Variants in GPR161 observed in about 807,000 individuals in gnomAD.
The protein encoded by GPR161 is G-protein coupled receptor RE2.
A neutral mutation model predicts 39.2 loss-of-function variants in GPR161; 25 were observed. The observed-to-expected ratio is 0.64, with a 90% CI of 0.47 to 0.89. The LOEUF (loss-of-function observed/expected upper bound fraction) is 0.89. Ranked by LOEUF, GPR161 falls within the 40% of genes least tolerant of loss-of-function variation. GPR161 has a pLI of 0.00. For missense variants in GPR161, 547 were observed against 677.8 expected (o/e 0.81, Z 2.14); for synonymous variants, 286 against 276.6 (o/e 1.03, Z -0.34).
rs1489755196 is a variant in GPR161, at chr1:168,085,067, A to G, written c.*464T>C. The G allele has an allele frequency of 6.6e-6, 3 of 456,646 alleles. No individual in the cohort carries two copies. The East Asian group carries it at 2.1e-4, about 32-fold the overall frequency. The allele number at this position is 456,646 out of a possible 1,614,324, so 28.3% of individuals were successfully genotyped here. A position where few individuals can be genotyped will look rare whatever the true frequency, so the allele number is the denominator to read the frequency against. Reference sequence around the variant, plus strand: ...AGGACGGTCGCGTGTCATTAGGAAGAAGTGCTGTGTCATCCTTCACAGTAC... The same window carrying G: ...AGGACGGTCGCGTGTCATTAGGAAGGAGTGCTGTGTCATCCTTCACAGTAC... On this transcript the variant is annotated 3_prime_UTR_variant, in exon 6 of 6. Transcript: ENST00000682931.
intron 1 of GPR161, among the ~76,000 whole-genome samples, chr1:168,133,427 A>G (rs187609022): frequency 6.6e-5 from 10 of 152,374 alleles, no homozygotes; most frequent in African/African-American, 2.2e-4. Flanking sequence ...CAGAAAATCT[A>G]AATTAAATTG....
At chr1:168,125,414 T>C (rs1219042343) in intron 1 of GPR161, among the ~76,000 whole-genome samples, 2 of 152,196 alleles carry the variant, frequency 1.3e-5, no homozygotes, top group African/African-American at 4.8e-5. Flanking sequence ...ACAAGAATGT[T>C]GAGTCCTGTT....
Position 168,084,631 on chromosome 1 carries a change from C to T in GPR161, c.*900G>A, listed in dbSNP as rs1572225156. The T allele has an allele frequency of 2.8e-6, 1 of 362,278 alleles. No homozygotes were observed. Among genetic ancestry groups the T allele is most frequent in the East Asian group, 7.3e-5 (1 of 13,734 alleles). 22.4% of individuals were successfully genotyped at this position (362,278 alleles called of 1,614,324 possible). On this transcript the variant is annotated 3_prime_UTR_variant, in exon 6 of 6. Coordinates refer to ENST00000682931, the MANE Select transcript of GPR161 (RefSeq NM_001375883.1). ...CTATTTTCATTGGTCACTCAAACAT[C>T]ACACATAGAATCTATTTAATGAGGC...
In GPR161 at chr1:168,084,399, A is replaced by G; in HGVS notation, c.*1132T>C. On this transcript the variant is annotated 3_prime_UTR_variant, in exon 6 of 6. Transcript: ENST00000682931. ...CTGGAAATGATCTTGGAGACCATTC[A>G]ATCCAACTCCACTCTGTTTTCCCAC... The G allele has an allele frequency of 4.4e-6, 1 of 225,514 alleles. No individual in the cohort carries two copies. Among genetic ancestry groups the G allele is most frequent in the African/African-American group, 2.4e-5 (1 of 42,376 alleles). 14.0% of individuals were successfully genotyped at this position (225,514 alleles called of 1,614,324 possible). A position where few individuals can be genotyped will look rare whatever the true frequency, so the allele number is the denominator to read the frequency against.
chr1:168,087,845 C>T lies in GPR161; in HGVS notation c.1205-141G>A, dbSNP rs56272246. 3,782 of 800,378 alleles carry T rather than the reference C, an allele frequency of 4.7e-3. 99 individuals carry two copies. The African/African-American group carries it at 0.06, about 13-fold the overall frequency. 49.6% of individuals were successfully genotyped at this position (800,378 alleles called of 1,614,324 possible). ...AAGTGGAGCTGACTGCGCCGCAGCACGTGCCCAAGAAACACCCGCCTGTCA... is the reference window on the plus strand; with the variant it reads ...AAGTGGAGCTGACTGCGCCGCAGCATGTGCCCAAGAAACACCCGCCTGTCA... On this transcript the variant is annotated intron_variant, in intron 4 of 5. Coordinates refer to ENST00000682931, the MANE Select transcript of GPR161 (RefSeq NM_001375883.1).
chr1:168,122,694 AC>A (rs1698277471), intron 1 of GPR161, among the ~76,000 whole-genome samples: 1 of 152,170 alleles, frequency 6.6e-6, no homozygotes, highest in Non-Finnish European at 1.5e-5. Context: ...GGGGCTTTGC[AC>A]TTGCTGTTTC....
At position 168,096,641 on chromosome 1, in the gene GPR161, CA is replaced by C. The variant is rs1346869675; in HGVS notation, c.965del (p.Leu322ArgfsTer84). Reference sequence around the variant, plus strand: ...CTGTCTTGTTCCAGAGTCCATAGATCAGGGGGTGGCAGACAGCGCTGGCAAA... The same window carrying C: ...CTGTCTTGTTCCAGAGTCCATAGATCGGGGGTGGCAGACAGCGCTGGCAAA... The part of the protein sequence containing the change: ...LSFASAVCHP[L>X]IYGLWNKTVR... On this transcript the variant is annotated frameshift_variant, in exon 3 of 6. Coordinates refer to ENST00000682931, the MANE Select transcript of GPR161 (RefSeq NM_001375883.1). LOFTEE classifies it high-confidence loss of function. 7.4e-6 allele frequency: 12 copies of C among 1,614,104 alleles called. No homozygotes were observed. The highest frequency in any genetic ancestry group is 3.3e-5 in the Admixed American group (2 of 60,012).
chr1:168,120,494 T>C (rs542755884), intron 1 of GPR161, among the ~76,000 whole-genome samples: 2 of 152,262 alleles, frequency 1.3e-5, no homozygotes, highest in African/African-American at 4.8e-5. Context: ...TTTTGGTTAA[T>C]GCTGGAATAA....
chr1:168,132,587 C>CAA (rs1160404142), intron 1 of GPR161, among the ~76,000 whole-genome samples: 6 of 78,636 alleles, frequency 7.6e-5, no homozygotes, highest in Admixed American at 2.9e-4. Context: ...GACTCCGTCT[C>CAA]AAAAAAAAAA....
At chr1:168,128,876 T>C (rs900974354) in intron 1 of GPR161, among the ~76,000 whole-genome samples, 2 of 152,146 alleles carry the variant, frequency 1.3e-5, no homozygotes, top group African/African-American at 4.8e-5. Context: ...ATGATAGCCA[T>C]ACTGCCACTG....
chr1:168,106,191 T>C lies in GPR161; in HGVS notation c.-44-1297A>G, dbSNP rs79963216. ...TCTCTTGATTTGCGGTCCCCAAAAT[T>C]GAACACACCATTCTGGATGTATTTT... On this transcript the variant is annotated intron_variant, in intron 1 of 5. Transcript: ENST00000682931. Among the ~76,000 whole-genome samples, 969 of 152,330 alleles carry C rather than the reference T, an allele frequency of 6.4e-3. 10 individuals are homozygous for C. Among genetic ancestry groups the C allele is most frequent in the African/African-American group, 0.022 (901 of 41,574 alleles).
chr1:168,090,714 G>T, intron 3 of GPR161, 46 bp from the exon 4 acceptor site: 1 of 1,155,292 alleles, frequency 8.7e-7, no homozygotes, highest in Non-Finnish European at 1.3e-6. Context: ...ACTCTGCAAG[G>T]AGGGGCCCCA....
Position 168,080,310 on chromosome 1 carries a change from T to C in GPR161, c.*5221A>G, listed in dbSNP as rs1693974809. The C allele has an allele frequency of 6.6e-6, 1 of 152,242 alleles. No individual in the cohort carries two copies. Among genetic ancestry groups the C allele is most frequent in the African/African-American group, 2.4e-5 (1 of 41,458 alleles). The allele number at this position is 152,242 out of a possible 1,614,324, so 9.4% of individuals were successfully genotyped here. A position where few individuals can be genotyped will look rare whatever the true frequency, so the allele number is the denominator to read the frequency against. ...ACTATACCTCATCTTCCTTGACCTA[T>C]AAGACTAGCTCCTTGCTTTTCTCAT... On this transcript the variant is annotated 3_prime_UTR_variant, in exon 6 of 6. Transcript: ENST00000682931.
At chr1:168,132,132 G>A (rs1166914373) in intron 1 of GPR161, among the ~76,000 whole-genome samples, 2 of 152,118 alleles carry the variant, frequency 1.3e-5, no homozygotes, top group African/African-American at 4.8e-5. Flanking sequence ...AGGTGTGGTG[G>A]CGCACGCCTG....
intron 1 of GPR161, among the ~76,000 whole-genome samples, chr1:168,118,368 A>ACAC (rs1697808100): frequency 6.6e-6 from 1 of 152,238 alleles, no homozygotes; most frequent in South Asian, 2.1e-4. Context: ...AGAATGACAA[A>ACAC]CACCACATAA....
Position 168,136,834 on chromosome 1 carries a change from G to A in GPR161, c.-140C>T. On this transcript the variant is annotated 5_prime_UTR_variant, in exon 1 of 6. Transcript: ENST00000682931. ...GCTTCCTTCCTCCCCGCCGCGCTCCGGGACTGGAGGTTTCGGGTTTCAGCC... is the reference window on the plus strand; with the variant it reads ...GCTTCCTTCCTCCCCGCCGCGCTCCAGGACTGGAGGTTTCGGGTTTCAGCC... 1.0e-6 allele frequency: 1 copy of A among 982,706 alleles called. No homozygotes were observed. Among genetic ancestry groups the A allele is most frequent in the South Asian group, 4.5e-5 (1 of 22,074 alleles). 60.9% of individuals were successfully genotyped at this position (982,706 alleles called of 1,614,324 possible). A position where few individuals can be genotyped will look rare whatever the true frequency, so the allele number is the denominator to read the frequency against.
intron 1 of GPR161, among the ~76,000 whole-genome samples, chr1:168,134,378 G>C (rs78320035): frequency 0.031 from 4,691 of 152,238 alleles, 99 homozygotes; most frequent in Middle Eastern, 0.078. Context: ...CTTTTCTCTT[G>C]GTGTAGAAAC....
At chr1:168,106,398 G>A (rs1008951369) in intron 1 of GPR161, among the ~76,000 whole-genome samples, 4 of 152,184 alleles carry the variant, frequency 2.6e-5, no homozygotes, top group African/African-American at 9.7e-5. Flanking sequence ...AGCAAGCCCG[G>A]GCAACGTGGC....
At chr1:168,092,302 G>T (rs923612336) in intron 3 of GPR161, among the ~76,000 whole-genome samples, 1 of 152,198 alleles carries the variant, frequency 6.6e-6, no homozygotes, top group African/African-American at 2.4e-5. Flanking sequence ...GGCTGAAGCC[G>T]CAGTGGGTTT....
Sources: allele counts gnomAD v4.1 joint callset (sites outside exome capture counted in the v4.1 genomes callset), GRCh38; gene constraint gnomAD v4.1.1; transcripts MANE v1.5; gene names NCBI Gene and HGNC (gene_info 2026-07-23, HGNC 2026-07-21).